FBXL17: variants seen among roughly 807,000 people sequenced by gnomAD.
FBXL17 encodes the protein F-box and leucine rich repeat protein 17.
A neutral mutation model predicts 66.2 loss-of-function variants in FBXL17; 22 were observed. The observed-to-expected ratio is 0.33, with a 90% confidence interval of 0.24 to 0.47. The LOEUF is 0.47. FBXL17 is among the 20% of genes least tolerant of loss of function. The pLI, the probability that FBXL17 is intolerant of heterozygous loss-of-function variation, is 1.00. For missense variants in FBXL17, 878 were observed against 948.2 expected (o/e 0.93, Z 0.97); for synonymous variants, 474 against 400.5 (o/e 1.18, Z -2.19).
intron 8 of FBXL17, among the ~76,000 whole-genome samples, chr5:107,876,841 A>G (rs1242426337): frequency 6.6e-6 from 1 of 152,240 alleles, no homozygotes; most frequent in East Asian, 1.9e-4. Flanking sequence ...AATAATTTCT[A>G]CGACCAAAGC....
At chr5:107,992,788 CACTG>C (rs764792180) in intron 7 of FBXL17, among the ~76,000 whole-genome samples, 2 of 152,178 alleles carry the variant, frequency 1.3e-5, no homozygotes, top group Non-Finnish European at 2.9e-5. Flanking sequence ...TCTGTGGATA[CACTG>C]ACTGATTGTT....
intron 6 of FBXL17, among the ~76,000 whole-genome samples, chr5:108,151,153 A>T (rs529176533): frequency 2.6e-5 from 4 of 152,274 alleles, no homozygotes; most frequent in Non-Finnish European, 5.9e-5. Flanking sequence ...TTAGAACTTT[A>T]TCTGAATTAG....
At chr5:108,051,789 A>G (rs1359037012) in intron 6 of FBXL17, among the ~76,000 whole-genome samples, 1 of 152,094 alleles carries the variant, frequency 6.6e-6, no homozygotes, top group Admixed American at 6.5e-5. Flanking sequence ...ATCCTGGCTA[A>G]CACATTGAAA....
intron 8 of FBXL17, among the ~76,000 whole-genome samples, chr5:107,869,458 C>A (rs1748381037): frequency 6.6e-6 from 1 of 152,058 alleles, no homozygotes; most frequent in Non-Finnish European, 1.5e-5. Flanking sequence ...TTTAGTAACA[C>A]CCCAAATTTG....
chr5:107,911,113 G>GT, intron 7 of FBXL17, among the ~76,000 whole-genome samples: 2 of 152,160 alleles, frequency 1.3e-5, no homozygotes, highest in South Asian at 4.1e-4. Context: ...CTAAAAAGTA[G>GT]TTAAGAGAGG....
At chr5:108,038,368 G>T (rs1196785667) in intron 6 of FBXL17, among the ~76,000 whole-genome samples, 4 of 151,912 alleles carry the variant, frequency 2.6e-5, no homozygotes, top group African/African-American at 9.6e-5. Flanking sequence ...TAATTTTTTT[G>T]AGATTTATGT....
At chr5:108,299,102 G>A in intron 4 of FBXL17, 2 of 976,816 alleles carry the variant, frequency 2.0e-6, no homozygotes, top group Non-Finnish European at 2.4e-6. Flanking sequence ...AAAACAGTCT[G>A]ATTTATAACA....
At chr5:108,037,489 C>T (rs1443606137) in intron 6 of FBXL17, among the ~76,000 whole-genome samples, 1 of 152,128 alleles carries the variant, frequency 6.6e-6, no homozygotes, top group East Asian at 1.9e-4. Context: ...ATACTCTTAA[C>T]ATTTATTTAC....
At chr5:108,061,248 T>A (rs1466148769) in intron 6 of FBXL17, among the ~76,000 whole-genome samples, 2 of 152,052 alleles carry the variant, frequency 1.3e-5, no homozygotes. Context: ...GATCATGCCA[T>A]TGCACCCTAG....
chr5:108,268,313 A>G (rs1192635611), intron 4 of FBXL17, among the ~76,000 whole-genome samples: 1 of 151,924 alleles, frequency 6.6e-6, no homozygotes, highest in Non-Finnish European at 1.5e-5. Flanking sequence ...ATGCATGCAT[A>G]TGTGCTGTGG....
At chr5:108,110,421 T>C (rs922306870) in intron 6 of FBXL17, among the ~76,000 whole-genome samples, 2 of 83,652 alleles carry the variant, frequency 2.4e-5, no homozygotes, top group African/African-American at 3.3e-5. Context: ...AGCTATGTCA[T>C]ACAAAACAAA....
chr5:108,353,900 T>C (rs528271724), intron 3 of FBXL17, among the ~76,000 whole-genome samples: 1 of 152,330 alleles, frequency 6.6e-6, no homozygotes, highest in Admixed American at 6.5e-5. Context: ...TTATGAAAGT[T>C]GCATTTCCCA....
At chr5:107,893,539 T>C (rs900073524) in intron 7 of FBXL17, among the ~76,000 whole-genome samples, 2 of 152,236 alleles carry the variant, frequency 1.3e-5, no homozygotes, top group Non-Finnish European at 2.9e-5. Context: ...AATGAGAGCT[T>C]ACATATTATA....
intron 4 of FBXL17, among the ~76,000 whole-genome samples, chr5:108,313,873 C>T (rs918404481): frequency 2.0e-5 from 3 of 151,710 alleles, no homozygotes; most frequent in Non-Finnish European, 4.4e-5. Context: ...ATAAGGTTTA[C>T]ATGGCAAAAA....
rs572996670 is a variant in FBXL17 at position 108,348,098 on chromosome 5, T to C, written c.1506+301A>G. Among the ~76,000 whole-genome samples, 24 of 152,340 alleles carry C rather than the reference T, an allele frequency of 1.6e-4. No individual in the cohort carries two copies. The East Asian group carries it at 3.7e-3, about 23-fold the overall frequency. On this transcript the variant is annotated intron_variant, in intron 4 of 8. Coordinates refer to ENST00000542267, the MANE Select transcript of FBXL17 (RefSeq NM_001163315.3). ...AAAGAACTACACAACCACAGACTTATGTTTGGCAAACAAATTTGATTTTTC... is the reference window on the plus strand; with the variant it reads ...AAAGAACTACACAACCACAGACTTACGTTTGGCAAACAAATTTGATTTTTC...
rs570354299 is a variant in FBXL17 at position 107,897,086 on chromosome 5, C to A, written c.1823-15907G>T. On this transcript the variant is annotated intron_variant, in intron 7 of 8. Coordinates refer to ENST00000542267, the MANE Select transcript of FBXL17 (RefSeq NM_001163315.3). ...TTGATAATTTTAGAAAGTGGTTTGG[C>A]CTAAAAAAATACTAAGATAATAGGA... Among the ~76,000 whole-genome samples, 10 of 151,708 alleles carry A rather than the reference C, an allele frequency of 6.6e-5. No homozygotes were observed. In the South Asian group the frequency reaches 2.1e-3, roughly 32 times the overall value.
chr5:108,074,954 GA>G (rs747784066), intron 6 of FBXL17, among the ~76,000 whole-genome samples: 2 of 152,218 alleles, frequency 1.3e-5, no homozygotes, highest in Non-Finnish European at 2.9e-5. Context: ...AACACTTAGA[GA>G]AATGTCTTTG....
intron 7 of FBXL17, among the ~76,000 whole-genome samples, chr5:107,961,303 C>T (rs1010558359): frequency 6.6e-6 from 1 of 151,914 alleles, no homozygotes; most frequent in Non-Finnish European, 1.5e-5. Context: ...TGGCTCACTG[C>T]AGCCTTGACC....
chr5:107,938,900 T>C (rs2112586093), intron 7 of FBXL17, among the ~76,000 whole-genome samples: 1 of 152,320 alleles, frequency 6.6e-6, no homozygotes, highest in East Asian at 1.9e-4. Context: ...ATGCATTGAA[T>C]ATAAACCCAG....
Sources: allele counts gnomAD v4.1 joint callset (sites outside exome capture counted in the v4.1 genomes callset), GRCh38; gene constraint gnomAD v4.1.1; transcripts MANE v1.5; gene names NCBI Gene and HGNC (gene_info 2026-07-23, HGNC 2026-07-21).